The following PAPOLG variants were observed in gnomAD, a reference collection of about 807,000 sequenced individuals.
PAPOLG encodes the protein PAP-gamma.
A neutral mutation model predicts 99.0 loss-of-function variants in PAPOLG; 40 were observed. That is an observed-to-expected ratio of 0.40 (90% CI 0.31 to 0.53). The LOEUF is 0.53. PAPOLG is among the 20% of genes least tolerant of loss of function. The probability of loss-of-function intolerance (pLI) is 0.41; values close to 1 mark genes in which losing one functional copy is unlikely to be tolerated. For missense variants in PAPOLG, 675 were observed against 884.1 expected, an observed-to-expected ratio of 0.76 and a Z score of 3.00; for synonymous variants, 310 against 299.3, an observed-to-expected ratio of 1.04 and a Z score of -0.37.
chr2:60,775,707 A>AT (rs796727856), intron 8 of PAPOLG, among the ~76,000 whole-genome samples: 21 of 149,968 alleles, frequency 1.4e-4, no homozygotes, highest in East Asian at 3.9e-4. Flanking sequence ...GCAAATTACA[A>AT]TTTTTTTTTT....
Position 60,787,074 on chromosome 2 carries a change from A to T in PAPOLG, c.1286+8A>T. On this transcript the variant is annotated splice_region_variant and intron_variant, in intron 14 of 21. Transcript: ENST00000238714. ...TAAGGAACATCATAAAGAGTAAGTT[A>T]ATTGTTTTATAATACTTTATTTCTT... is the stretch of plus-strand genomic sequence containing the variant. 1 of 1,577,670 alleles carries T rather than the reference A, an allele frequency of 6.3e-7. No homozygotes were observed. Among genetic ancestry groups the T allele is most frequent in the Non-Finnish European group, 8.6e-7 (1 of 1,159,786 alleles).
rs1671741478 is a variant in PAPOLG, at chr2:60,797,303, T to C, written c.*143T>C. 1 of 1,027,544 alleles carries C rather than the reference T, an allele frequency of 9.7e-7. No individual in the cohort carries two copies. The highest frequency in any genetic ancestry group is 2.4e-5 in the Admixed American group (1 of 42,372). The allele number at this position is 1,027,544 out of a possible 1,614,324, so 63.7% of individuals were successfully genotyped here. A position where few individuals can be genotyped will look rare whatever the true frequency, so the allele number is the denominator to read the frequency against. On this transcript the variant is annotated 3_prime_UTR_variant, in exon 22 of 22. Transcript: ENST00000238714. ...AGTCTAATAACCTTGAAGTGGTTTTTGAACTGTCAAACTTTGACCTGTAGA... is the reference window on the plus strand; with the variant it reads ...AGTCTAATAACCTTGAAGTGGTTTTCGAACTGTCAAACTTTGACCTGTAGA...
At chr2:60,768,584 C>A in intron 4 of PAPOLG, 33 bp downstream of exon 4, 2 of 1,498,230 alleles carry the variant, frequency 1.3e-6, no homozygotes, top group Non-Finnish European at 1.8e-6. Flanking sequence ...GTGCTAAGAA[C>A]ATTCAATAAC....
chr2:60,792,680 A>C (rs1671576618), intron 17 of PAPOLG, among the ~76,000 whole-genome samples: 1 of 152,172 alleles, frequency 6.6e-6, no homozygotes, highest in African/African-American at 2.4e-5. Flanking sequence ...GAACTGCTGG[A>C]GCCCAGGAGT....
At chr2:60,767,908 G>A (rs1670730361) in intron 3 of PAPOLG, among the ~76,000 whole-genome samples, 1 of 152,180 alleles carries the variant, frequency 6.6e-6, no homozygotes, top group Non-Finnish European at 1.5e-5. Context: ...AAAAAGAAAA[G>A]CTTTTCTTCA....
intron 3 of PAPOLG, among the ~76,000 whole-genome samples, chr2:60,765,958 C>A (rs1670664605): frequency 6.6e-6 from 1 of 151,948 alleles, no homozygotes; most frequent in Non-Finnish European, 1.5e-5. Flanking sequence ...TTTAAAAAAT[C>A]TGATTAATTT....
At chr2:60,791,633 G>A (rs1011554332) in intron 15 of PAPOLG, 128 bp from the exon 16 acceptor site, 3 of 1,047,978 alleles carry the variant, frequency 2.9e-6, no homozygotes, top group African/African-American at 3.3e-5. Flanking sequence ...TTGTGAGAGG[G>A]TTGTGGGTGG....
At chr2:60,776,049 C>T (rs1451093357) in intron 8 of PAPOLG, among the ~76,000 whole-genome samples, 1 of 152,170 alleles carries the variant, frequency 6.6e-6, no homozygotes, top group Non-Finnish European at 1.5e-5. Flanking sequence ...AGGCGTGAGC[C>T]ATCAAGCCCG....
At chr2:60,760,051 C>T in intron 1 of PAPOLG, 83 bp from the exon 2 acceptor site, 4 of 1,366,298 alleles carry the variant, frequency 2.9e-6, no homozygotes, top group Non-Finnish European at 4.0e-6. Flanking sequence ...GCTAAATTAA[C>T]ATGAGTAGAT....
At position 60,790,815 on chromosome 2, in the gene PAPOLG, G is replaced by A. The variant is rs181278207; in HGVS notation, c.1397-946G>A. 9.2e-5 allele frequency among the ~76,000 whole-genome samples: 14 copies of A among 152,354 alleles called. No individual in the cohort carries two copies. In the East Asian group the frequency reaches 2.7e-3, roughly 29 times the overall value. ...TAAGAATTAGCTTAGAAGGCCAGGT[G>A]CAGTGGTTCACACCTGTAATCCCAG... On this transcript the variant is annotated intron_variant, in intron 15 of 21. Transcript: ENST00000238714.
rs183864211 is a variant in PAPOLG at position 60,772,909 on chromosome 2, C to G, written c.604+1279C>G. Among the ~76,000 whole-genome samples the G allele has an allele frequency of 4.3e-4, 65 of 152,104 alleles. 1 individual carries two copies. The South Asian group carries it at 5.0e-3, about 12-fold the overall frequency. Reference sequence around the variant, plus strand: ...TAATTACATACCATTATACACCTCACTGGTCTTTTTCTTTTCTTTTCTTTT... The same window carrying G: ...TAATTACATACCATTATACACCTCAGTGGTCTTTTTCTTTTCTTTTCTTTT... On this transcript the variant is annotated intron_variant, in intron 7 of 21. Transcript: ENST00000238714.
At chr2:60,782,831 A>AATGTTAAAAT in intron 12 of PAPOLG, 61 bp downstream of exon 12, 1 of 1,491,816 alleles carries the variant, frequency 6.7e-7, no homozygotes, top group South Asian at 1.3e-5. Context: ...AAGAATGTTA[A>AATGTTAAAAT]ACATAGTTAA....
intron 21 of PAPOLG, chr2:60,795,346 T>C (rs1211071465): frequency 2.0e-6 from 1 of 492,932 alleles, no homozygotes; most frequent in East Asian, 5.7e-5. Context: ...GGTATATCTC[T>C]GTTGTGTACT....
intron 14 of PAPOLG, 162 bp from the exon 15 acceptor site, chr2:60,787,349 A>T: frequency 2.2e-6 from 1 of 453,222 alleles, no homozygotes; most frequent in Non-Finnish European, 2.9e-6. Flanking sequence ...ACAGGGGATA[A>T]CTTACCAGTT....
intron 7 of PAPOLG, among the ~76,000 whole-genome samples, chr2:60,773,156 A>T (rs1354324046): frequency 6.6e-6 from 1 of 152,102 alleles, no homozygotes; most frequent in Non-Finnish European, 1.5e-5. Flanking sequence ...CAAACTCTCG[A>T]TATCAGGTGA....
At chr2:60,761,229 TTTCTC>T (rs1180359233) in intron 2 of PAPOLG, among the ~76,000 whole-genome samples, 2 of 152,186 alleles carry the variant, frequency 1.3e-5, no homozygotes, top group African/African-American at 4.8e-5. Context: ...AAACCCTACT[TTTCTC>T]TTCTAAATGT....
In PAPOLG at chr2:60,798,327, C is replaced by T. The variant is rs964929373; in HGVS notation, c.*1167C>T. On this transcript the variant is annotated 3_prime_UTR_variant, in exon 22 of 22. Transcript: ENST00000238714. ...ATTTTTTAAGTTTCATGAATGCATG[C>T]TCAGTTTATTAAAATCCATAACCAT... 2.0e-5 allele frequency: 3 copies of T among 152,616 alleles called. No homozygotes were observed. The highest frequency in any genetic ancestry group is 4.4e-5 in the Non-Finnish European group (3 of 68,018). 9.5% of individuals were successfully genotyped at this position (152,616 alleles called of 1,614,324 possible). A position where few individuals can be genotyped will look rare whatever the true frequency, so the allele number is the denominator to read the frequency against.
intron 3 of PAPOLG, among the ~76,000 whole-genome samples, chr2:60,762,727 A>T (rs574401981): frequency 4.6e-5 from 7 of 152,042 alleles, no homozygotes; most frequent in African/African-American, 1.7e-4. Flanking sequence ...CCCAGATTCA[A>T]GTGATTCTCT....
At chr2:60,764,472 A>C (rs1670614359) in intron 3 of PAPOLG, among the ~76,000 whole-genome samples, 1 of 150,402 alleles carries the variant, frequency 6.6e-6, no homozygotes, top group Non-Finnish European at 1.5e-5. Context: ...GCTGGAATGC[A>C]GTGGCGCGAT....
Sources: allele counts gnomAD v4.1 joint callset (sites outside exome capture counted in the v4.1 genomes callset), GRCh38; gene constraint gnomAD v4.1.1; transcripts MANE v1.5; gene names NCBI Gene and HGNC (gene_info 2026-07-23, HGNC 2026-07-21).